Variants in ATAD3C observed in about 807,000 individuals in gnomAD.
ATAD3C encodes the protein ATPase family AAA domain-containing protein 3C.
In ATAD3C, 38 loss-of-function variants were observed where a neutral mutation model predicts 46.3. The observed-to-expected ratio is 0.82, with a 90% CI of 0.63 to 1.08. ATAD3C has a LOEUF of 1.08. Ranked by LOEUF, ATAD3C falls within the 50% of genes least tolerant of loss-of-function variation. The pLI is 0.00. For synonymous variants in ATAD3C, 220 were observed against 236.4 expected (o/e 0.93, Z 0.63); for missense variants, 563 against 572.7 (o/e 0.98, Z 0.17).
chr1:1,460,434 A>G (rs1005685386), intron 9 of ATAD3C, among the ~76,000 whole-genome samples: 34 of 151,982 alleles, frequency 2.2e-4, no homozygotes, highest in African/African-American at 7.7e-4. Flanking sequence ...TGCTCCCAGC[A>G]CAGCGGGGCT....
intron 11 of ATAD3C, among the ~76,000 whole-genome samples, chr1:1,464,832 G>T (rs2100490636): frequency 6.6e-6 from 1 of 152,060 alleles, no homozygotes; most frequent in East Asian, 1.9e-4. Context: ...TTTTCACAGG[G>T]ATTGCATTTA....
rs1160937834 is a variant in ATAD3C, at chr1:1,452,249, GC to G, written c.153-110del. The stretch of plus-strand genomic sequence containing the variant: ...AGGCTGGCTCCTTGGTGGGGACACT[GC>G]CCCCCTGTCCTGGCAGGACCAGGCT... On this transcript the variant is annotated intron_variant, in intron 2 of 11. Transcript: ENST00000378785. The G allele has an allele frequency of 1.7e-5, 27 of 1,584,058 alleles. No homozygotes were observed. The Admixed American group carries it at 3.5e-4, about 20-fold the overall frequency.
chr1:1,452,306 C>G lies in ATAD3C; in HGVS notation c.153-59C>G, dbSNP rs1438188019. On this transcript the variant is annotated intron_variant, in intron 2 of 11. Coordinates refer to ENST00000378785, the MANE Select transcript of ATAD3C (RefSeq NM_001039211.3). The stretch of plus-strand genomic sequence containing the variant: ...GTCAAGGCCTCACCCTCAACCTGTT[C>G]TTGCTACGTGGCGTGGGTCTTTGTT... 4.3e-6 allele frequency: 7 copies of G among 1,611,846 alleles called. No individual in the cohort carries two copies. In the South Asian group the frequency reaches 5.5e-5, roughly 13 times the overall value.
chr1:1,464,961 C>T (rs1639123401), intron 11 of ATAD3C, among the ~76,000 whole-genome samples: 1 of 151,768 alleles, frequency 6.6e-6, no homozygotes, highest in Non-Finnish European at 1.5e-5. Context: ...TCTTAACTCA[C>T]TGCAACCTCC....
chr1:1,464,173 C>T (rs1557781553), intron 11 of ATAD3C, among the ~76,000 whole-genome samples: 2 of 148,728 alleles, frequency 1.3e-5, no homozygotes, highest in African/African-American at 5.0e-5. Flanking sequence ...TGCCACTGTA[C>T]TTCAGCCTGA....
At chr1:1,455,144 G>A (rs1638931779) in intron 4 of ATAD3C, among the ~76,000 whole-genome samples, 1 of 144,258 alleles carries the variant, frequency 6.9e-6, no homozygotes, top group Admixed American at 7.3e-5. Flanking sequence ...TTGAACCTGG[G>A]AGATGGAGCT....
intron 3 of ATAD3C, among the ~76,000 whole-genome samples, chr1:1,453,764 C>T (rs1023031081): frequency 3.0e-4 from 46 of 151,964 alleles, no homozygotes; most frequent in African/African-American, 1.1e-3. Flanking sequence ...CTCAGCCTCC[C>T]AAGTAGCTGA....
Position 1,460,795 on chromosome 1 carries a change from G to T in ATAD3C, c.858G>T (p.Trp286Cys), listed in dbSNP as rs1464020546. ...LASCHPEQFD[W>C]AINACIDVMV... ...GCTGCCACCCCGAGCAGTTCGACTG[G>T]GCCATCAATGCCTGCATCGACGTGA... The change falls in exon 10 of 12, where the codon TGG (tryptophan) becomes TGT (cysteine). Residue 286 changes from tryptophan (W) to cysteine (C), a missense_variant. Trp to Cys is a radical substitution (Grantham distance 215, BLOSUM62 -2). This residue lies in a region of ATAD3C where 273 missense variants were observed against 253.5 expected (regional missense o/e 1.08). Coordinates refer to ENST00000378785, the MANE Select transcript of ATAD3C (RefSeq NM_001039211.3). The T allele has an allele frequency of 9.3e-6, 15 of 1,612,510 alleles. No individual in the cohort carries two copies. In the South Asian group the frequency reaches 1.5e-4, roughly 17 times the overall value.
In ATAD3C at chr1:1,468,129, C is replaced by T. The variant is rs529408424; in HGVS notation, c.1090-255C>T. 3.3e-5 allele frequency among the ~76,000 whole-genome samples: 5 copies of T among 152,188 alleles called. No individual in the cohort carries two copies. The East Asian group carries it at 5.8e-4, about 18-fold the overall frequency. ...CCTGGGTCGGCCGTCAGTGAGGCTC[C>T]GCCTTGGGCTTTCTATTAGAAAGTC... On this transcript the variant is annotated intron_variant, in intron 11 of 11. Coordinates refer to ENST00000378785, the MANE Select transcript of ATAD3C (RefSeq NM_001039211.3).
Position 1,454,366 on chromosome 1 carries a change from G to A in ATAD3C, c.244G>A (p.Ala82Thr). 1 of 1,598,824 alleles carries A rather than the reference G, an allele frequency of 6.3e-7. No individual in the cohort carries two copies. The highest frequency in any genetic ancestry group is 8.5e-7 in the Non-Finnish European group (1 of 1,174,780). ...TATVAGLTLLAVGVYSAKNAT... is the reference protein window; with the variant it reads ...TATVAGLTLLTVGVYSAKNAT... ...GCAGGTGGCTGGGCTGACGCTGCTG[G>A]CTGTCGGGGTCTACTCAGCCAAGAA... is the stretch of plus-strand genomic sequence containing the variant. Residue 82 changes from alanine (A) to threonine (T), a missense_variant, in exon 4 of 12, where the codon GCT becomes ACT. Physicochemically the swap from Ala to Thr is moderately conservative, Grantham distance 58. This residue lies in a region of ATAD3C where 263 missense variants were observed against 243.1 expected (regional missense o/e 1.08). Transcript: ENST00000378785.
intron 11 of ATAD3C, among the ~76,000 whole-genome samples, chr1:1,465,121 G>A (rs1386634660): frequency 1.3e-5 from 2 of 151,316 alleles, no homozygotes; most frequent in Non-Finnish European, 3.0e-5. Flanking sequence ...CCTGACATGA[G>A]GTGATCTGCC....
At position 1,450,489 on chromosome 1, in the gene ATAD3C, A is replaced by C. The variant is rs963004693; in HGVS notation, c.-195A>C. ...GGAGGGCATAAAACCTCACAAATGC[A>C]TCAGGCCGTGTGCTGGGGATGGGGC... On this transcript the variant is annotated 5_prime_UTR_variant, in exon 1 of 12. Transcript: ENST00000378785. The C allele has an allele frequency of 2.3e-5, 16 of 697,200 alleles. No individual in the cohort carries two copies. The highest frequency in any genetic ancestry group is 3.7e-5 in the Non-Finnish European group (15 of 406,002). The allele number at this position is 697,200 out of a possible 1,614,324, so 43.2% of individuals were successfully genotyped here.
At chr1:1,455,765 C>T (rs1349882781) in intron 5 of ATAD3C, 26 bp from the exon 6 acceptor site, 3 of 1,612,610 alleles carry the variant, frequency 1.9e-6, no homozygotes, top group South Asian at 2.2e-5. Flanking sequence ...AGACTGTGTC[C>T]TCCAAGCCCC....
At chr1:1,468,259 T>A in intron 11 of ATAD3C, 125 bp from the exon 12 acceptor site, 1 of 1,420,598 alleles carries the variant, frequency 7.0e-7, no homozygotes, top group Non-Finnish European at 9.3e-7. Flanking sequence ...GCGGGTAGCC[T>A]GTGTTTCACG....
intron 11 of ATAD3C, among the ~76,000 whole-genome samples, chr1:1,464,659 T>G (rs1260346570): frequency 1.3e-5 from 2 of 151,680 alleles, no homozygotes; most frequent in African/African-American, 4.8e-5. Context: ...TAATCCCAGC[T>G]ACTCAGGAGG....
At chr1:1,460,209 A>C (rs1302050473) in intron 9 of ATAD3C, among the ~76,000 whole-genome samples, 1 of 150,870 alleles carries the variant, frequency 6.6e-6, no homozygotes, top group Admixed American at 6.7e-5. Flanking sequence ...AGTGGCTGGG[A>C]TGACAGGCGT....
At position 1,460,743 on chromosome 1, in the gene ATAD3C, C is replaced by G. The variant is rs532904818; in HGVS notation, c.813-7C>G. 5.6e-6 allele frequency: 9 copies of G among 1,598,330 alleles called. 1 individual carries two copies. Among genetic ancestry groups the G allele is most frequent in the Middle Eastern group, 1.7e-4 (1 of 6,040 alleles). ...CCAGCGTTTCCTTCCCCATCCCCGCCCCGCAGATTCATGCTGATCCTGGCC... is the reference window on the plus strand; with the variant it reads ...CCAGCGTTTCCTTCCCCATCCCCGCGCCGCAGATTCATGCTGATCCTGGCC... On this transcript the variant is annotated splice_region_variant and splice_polypyrimidine_tract_variant and intron_variant, in intron 9 of 11. Coordinates refer to ENST00000378785, the MANE Select transcript of ATAD3C (RefSeq NM_001039211.3).
Position 1,462,601 on chromosome 1 carries a change from C to A in ATAD3C, c.982C>A (p.Arg328Ser), listed in dbSNP as rs535863359. The A allele has an allele frequency of 2.5e-6, 4 of 1,593,362 alleles. No homozygotes were observed. The highest frequency in any genetic ancestry group is 2.6e-6 in the Non-Finnish European group (3 of 1,170,620). Residue 328 changes from arginine to serine, a missense_variant and splice_region_variant, in exon 11 of 12, where the codon CGT becomes AGT. By Grantham distance (110) the Arg-to-Ser change is moderately radical (BLOSUM62 -1). Coordinates refer to ENST00000378785, the MANE Select transcript of ATAD3C (RefSeq NM_001039211.3). The surrounding 1 kb of genome is among the most constrained non-coding windows in gnomAD (Gnocchi z 4.5). ...VLKPATEGKR[R>S]LKLAQFDYGR... The stretch of plus-strand genomic sequence containing the variant: ...CCCACTTGGGAACTCCTTCCCCAGG[C>A]GTCTGAAGCTGGCCCAGTTTGACTA...
chr1:1,457,638 G>A (rs1465143025), intron 8 of ATAD3C, among the ~76,000 whole-genome samples: 8 of 149,002 alleles, frequency 5.4e-5, no homozygotes, highest in Non-Finnish European at 1.2e-4. Context: ...ATTTTTTTAG[G>A]TCAGCTTAAA....
Sources: allele counts gnomAD v4.1 joint callset (sites outside exome capture counted in the v4.1 genomes callset), GRCh38; gene constraint gnomAD v4.1.1; regional missense constraint gnomAD v4.1.1; non-coding constraint Gnocchi (gnomAD v3.1); transcripts MANE v1.5; gene names NCBI Gene and HGNC (gene_info 2026-07-23, HGNC 2026-07-21).